MARCHF4: variants seen among roughly 807,000 people sequenced by gnomAD.
MARCHF4 encodes the protein membrane associated ring-CH-type finger 4.
In MARCHF4, 14 loss-of-function variants were observed where a neutral mutation model predicts 43.9. The ratio of observed to expected loss-of-function variants is 0.32; its 90% CI spans 0.21 to 0.50. The LOEUF (loss-of-function observed/expected upper bound fraction) is 0.50, where lower values mean the gene tolerates loss of function less well. Among genes scored for constraint, MARCHF4 ranks in the 20% least tolerant of loss-of-function variants. MARCHF4 has a pLI of 0.98. For synonymous variants in MARCHF4, 226 were observed against 213.3 expected (o/e 1.06, Z -0.52); for missense variants, 468 against 536.7 (o/e 0.87, Z 1.27).
chr2:216,306,395 A>G (rs1382826676), intron 1 of MARCHF4, among the ~76,000 whole-genome samples: 1 of 152,216 alleles, frequency 6.6e-6, no homozygotes. Flanking sequence ...ATCAAAATTT[A>G]CTAATTATAG....
intron 1 of MARCHF4, among the ~76,000 whole-genome samples, chr2:216,358,577 G>A (rs567191471): frequency 6.6e-6 from 1 of 152,162 alleles, no homozygotes; most frequent in Non-Finnish European, 1.5e-5. Context: ...TTTTATAAAA[G>A]AGCAAATAAG....
chr2:216,263,681 C>T (rs957419637), intron 3 of MARCHF4, among the ~76,000 whole-genome samples: 3 of 151,986 alleles, frequency 2.0e-5, no homozygotes, highest in African/African-American at 7.3e-5. Flanking sequence ...GGACATGGGC[C>T]CCACCTCCAG....
chr2:216,329,012 G>A lies in MARCHF4; in HGVS notation c.516+40733C>T, dbSNP rs73066461. ...GAGATTTTGCCTGAGCAACAAGAACGAAATTCCGTCTCAGAAAAACAACAA... is the reference window on the plus strand; with the variant it reads ...GAGATTTTGCCTGAGCAACAAGAACAAAATTCCGTCTCAGAAAAACAACAA... On this transcript the variant is annotated intron_variant, in intron 1 of 3. Transcript: ENST00000273067. Among the ~76,000 whole-genome samples, 1,138 of 152,148 alleles carry A rather than the reference G, an allele frequency of 7.5e-3. 11 individuals carry two copies. The highest frequency in any genetic ancestry group is 0.026 in the African/African-American group (1,079 of 41,514).
At chr2:216,309,967 A>T (rs1434003122) in intron 1 of MARCHF4, among the ~76,000 whole-genome samples, 1 of 152,178 alleles carries the variant, frequency 6.6e-6, no homozygotes, top group Non-Finnish European at 1.5e-5. Flanking sequence ...CCACCTATCT[A>T]GAATGGCTTT....
intron 3 of MARCHF4, among the ~76,000 whole-genome samples, chr2:216,276,856 G>A (rs1691032094): frequency 6.6e-6 from 1 of 152,148 alleles, no homozygotes; most frequent in Admixed American, 6.5e-5. Flanking sequence ...TCTGTTGGGG[G>A]AGGGAGGGGA....
At chr2:216,321,748 A>G (rs1434769368) in intron 1 of MARCHF4, 1 of 152,218 alleles carries the variant, frequency 6.6e-6, no homozygotes, top group African/African-American at 2.4e-5. Flanking sequence ...TTGGTATTTT[A>G]TCTTCCAATA....
intron 1 of MARCHF4, among the ~76,000 whole-genome samples, chr2:216,338,179 C>T (rs879566486): frequency 2.0e-5 from 3 of 152,108 alleles, no homozygotes; most frequent in Non-Finnish European, 4.4e-5. Flanking sequence ...GCATCCTCTC[C>T]CCTTCCCAAC....
intron 1 of MARCHF4, among the ~76,000 whole-genome samples, chr2:216,345,550 T>C (rs539460855): frequency 2.0e-5 from 3 of 152,248 alleles, no homozygotes; most frequent in African/African-American, 7.2e-5. Context: ...TGGAATAACC[T>C]AGGGAAAGTT....
At chr2:216,317,495 C>G (rs915700903) in intron 1 of MARCHF4, among the ~76,000 whole-genome samples, 17 of 152,132 alleles carry the variant, frequency 1.1e-4, no homozygotes, top group African/African-American at 4.1e-4. Flanking sequence ...CTCACTGCAA[C>G]CTTCCACCTC....
chr2:216,259,884 T>G (rs74648783), intron 3 of MARCHF4: 2 of 587,014 alleles, frequency 3.4e-6, no homozygotes, highest in African/African-American at 3.7e-5. Context: ...CATGAAATAG[T>G]TGAGCACCTT....
At chr2:216,294,512 A>G (rs1030867944) in intron 1 of MARCHF4, among the ~76,000 whole-genome samples, 1 of 152,244 alleles carries the variant, frequency 6.6e-6, no homozygotes, top group African/African-American at 2.4e-5. Flanking sequence ...CTTACAAAGC[A>G]AGAAAAGCAA....
At chr2:216,310,054 T>C (rs977431030) in intron 1 of MARCHF4, among the ~76,000 whole-genome samples, 5 of 151,744 alleles carry the variant, frequency 3.3e-5, no homozygotes, top group African/African-American at 1.2e-4. Context: ...GGATTATCCT[T>C]CCCATTTTAT....
At chr2:216,300,172 C>T (rs149788086) in intron 1 of MARCHF4, among the ~76,000 whole-genome samples, 44 of 152,114 alleles carry the variant, frequency 2.9e-4, no homozygotes, top group African/African-American at 1.0e-3. Context: ...ACTCTATAAT[C>T]TATAAAAGTG....
chr2:216,314,195 G>A (rs1341062385), intron 1 of MARCHF4, among the ~76,000 whole-genome samples: 1 of 152,152 alleles, frequency 6.6e-6, no homozygotes, highest in Non-Finnish European at 1.5e-5. Context: ...AATGTCTTTT[G>A]TACATCTACT....
chr2:216,259,756 G>A (rs973256662), intron 3 of MARCHF4, 77 bp from the exon 4 acceptor site: 39 of 1,430,196 alleles, frequency 2.7e-5, no homozygotes, highest in Non-Finnish European at 3.4e-5. Flanking sequence ...CAGTCTCTCT[G>A]AATCTATGCA....
At chr2:216,263,500 AG>A (rs1441012260) in intron 3 of MARCHF4, among the ~76,000 whole-genome samples, 7 of 138,778 alleles carry the variant, frequency 5.0e-5, no homozygotes, top group Admixed American at 2.1e-4. Flanking sequence ...AGAAAGAGAG[AG>A]AGAGAGAGAG....
intron 1 of MARCHF4, among the ~76,000 whole-genome samples, chr2:216,287,011 G>A (rs923845428): frequency 3.3e-5 from 5 of 152,150 alleles, no homozygotes; most frequent in African/African-American, 1.2e-4. Flanking sequence ...GGTCACACGG[G>A]CGTCAGACGC....
At chr2:216,268,507 C>T (rs1690881462) in intron 3 of MARCHF4, among the ~76,000 whole-genome samples, 1 of 152,226 alleles carries the variant, frequency 6.6e-6, no homozygotes, top group African/African-American at 2.4e-5. Flanking sequence ...GTTCCTCCTT[C>T]ATTCTTCTCT....
intron 3 of MARCHF4, among the ~76,000 whole-genome samples, chr2:216,271,987 A>C (rs1194952053): frequency 9.5e-5 from 11 of 116,398 alleles, no homozygotes; most frequent in African/African-American, 3.7e-4. Context: ...TTTTTTAGAG[A>C]TCTCTGGTAG....
Sources: allele counts gnomAD v4.1 joint callset (sites outside exome capture counted in the v4.1 genomes callset), GRCh38; gene constraint gnomAD v4.1.1; transcripts MANE v1.5; gene names NCBI Gene and HGNC (gene_info 2026-07-23, HGNC 2026-07-21).